ST7: variants seen among roughly 807,000 people sequenced by gnomAD.
The protein encoded by ST7 is suppression of tumorigenicity 7, also known as suppressor of tumorigenicity 7 protein.
In ST7, 28 loss-of-function variants were observed where a neutral mutation model predicts 78.7. The observed-to-expected ratio is 0.36, with a 90% CI of 0.26 to 0.49. The LOEUF (loss-of-function observed/expected upper bound fraction) is 0.49. Among genes scored for constraint, ST7 ranks in the 20% least tolerant of loss-of-function variants. ST7 has a pLI of 0.99. For synonymous variants in ST7, 247 were observed against 249.6 expected, an observed-to-expected ratio of 0.99 and a Z score of 0.10; for missense variants, 418 against 696.0, an observed-to-expected ratio of 0.60 and a Z score of 4.49.
intron 1 of ST7, among the ~76,000 whole-genome samples, chr7:117,087,889 C>T (rs1791447548): frequency 1.3e-5 from 2 of 152,202 alleles, no homozygotes; most frequent in South Asian, 4.1e-4. Context: ...ATAATTCCCG[C>T]AGCTGCACAT....
At chr7:117,222,993 T>C (rs779133246) in intron 15 of ST7, 3 of 1,569,106 alleles carry the variant, frequency 1.9e-6, no homozygotes, top group South Asian at 1.1e-5. Context: ...TCATCACCCC[T>C]CTTCCCCCAC....
At chr7:116,956,595 G>C (rs898165558) in intron 1 of ST7, 2 of 471,208 alleles carry the variant, frequency 4.2e-6, no homozygotes, top group Non-Finnish European at 8.8e-6. Context: ...CATAGGCCCA[G>C]CTCTGTACCT....
At chr7:117,110,866 T>C (rs1344833933) in intron 2 of ST7, among the ~76,000 whole-genome samples, 3 of 152,220 alleles carry the variant, frequency 2.0e-5, no homozygotes, top group Admixed American at 2.0e-4. Flanking sequence ...GTGCCCCTGC[T>C]GAACCGGATG....
At chr7:117,140,071 T>C (rs1805145843) in intron 9 of ST7, among the ~76,000 whole-genome samples, 1 of 152,238 alleles carries the variant, frequency 6.6e-6, no homozygotes, top group Non-Finnish European at 1.5e-5. Flanking sequence ...AGCAACTTAA[T>C]AGGAGGAACA....
chr7:117,189,297 T>G, intron 10 of ST7, 24 bp from the exon 11 acceptor site: 1 of 1,582,296 alleles, frequency 6.3e-7, no homozygotes, highest in Non-Finnish European at 8.6e-7. Flanking sequence ...ACTTATGTGT[T>G]CCTACTTTCT....
At chr7:117,117,911 A>C (rs904618932) in intron 2 of ST7, 2 of 152,204 alleles carry the variant, frequency 1.3e-5, no homozygotes, top group African/African-American at 4.8e-5. Context: ...CTGGGGTTAT[A>C]GACTCCCTTC....
chr7:117,027,297 C>T (rs1011532860), intron 1 of ST7, among the ~76,000 whole-genome samples: 14 of 151,812 alleles, frequency 9.2e-5, no homozygotes, highest in African/African-American at 1.9e-4. Flanking sequence ...AAAAATTAGC[C>T]GGGCATGGTG....
intron 3 of ST7, among the ~76,000 whole-genome samples, chr7:117,124,812 G>A (rs1008758004): frequency 2.0e-5 from 3 of 152,272 alleles, no homozygotes; most frequent in African/African-American, 7.2e-5. Context: ...GGAAATGTCA[G>A]GTCAGAGGAC....
chr7:117,182,184 AC>A (rs1243248345), intron 10 of ST7, among the ~76,000 whole-genome samples: 2 of 152,184 alleles, frequency 1.3e-5, no homozygotes, highest in Non-Finnish European at 2.9e-5. Flanking sequence ...ATATTTCTTA[AC>A]CATTCTGTGC....
chr7:117,008,036 C>T (rs1457825300), intron 1 of ST7, among the ~76,000 whole-genome samples: 1 of 152,098 alleles, frequency 6.6e-6, no homozygotes, highest in Non-Finnish European at 1.5e-5. Context: ...AATATATTTT[C>T]AATAGCCTTT....
intron 1 of ST7, among the ~76,000 whole-genome samples, chr7:117,039,080 C>CTTTTT (rs1255644155): frequency 2.6e-4 from 39 of 152,104 alleles, no homozygotes; most frequent in Non-Finnish European, 4.3e-4. Flanking sequence ...TGAGTGGTTA[C>CTTTTT]TTAGGTTTTC....
At chr7:117,135,969 T>G (rs1804757407) in intron 7 of ST7, 112 bp from the exon 8 acceptor site, 1 of 1,099,220 alleles carries the variant, frequency 9.1e-7, no homozygotes, top group Non-Finnish European at 1.3e-6. Flanking sequence ...ATGAACCAGT[T>G]GGCCACTCTG....
At chr7:116,955,763 C>T (rs943343556) in intron 1 of ST7, among the ~76,000 whole-genome samples, 32 of 152,316 alleles carry the variant, frequency 2.1e-4, no homozygotes, top group Non-Finnish European at 4.4e-5. Flanking sequence ...AAAATGTGTA[C>T]TTCTTAAGGA....
chr7:116,987,366 C>T (rs1436268138), intron 1 of ST7, among the ~76,000 whole-genome samples: 4 of 152,186 alleles, frequency 2.6e-5, no homozygotes, highest in Admixed American at 2.0e-4. Flanking sequence ...TATTATGCAA[C>T]GTCCTGGGCC....
intron 10 of ST7, among the ~76,000 whole-genome samples, chr7:117,176,944 C>T (rs1464232361): frequency 1.3e-5 from 2 of 152,164 alleles, no homozygotes; most frequent in African/African-American, 4.8e-5. Context: ...TTTCCCTGGG[C>T]TCGCTGTTAC....
rs188119582 is a variant in ST7 at position 117,099,377 on chromosome 7, A to G, written c.152-385A>G. ...AGGTTGAAATACTGCTTGTTGATGC[A>G]TCAGGGACTCTGATGTGCAGGTCCC... On this transcript the variant is annotated intron_variant, in intron 1 of 15. Coordinates refer to ENST00000323984, the MANE Select transcript of ST7 (RefSeq NM_001369598.1). 1.3e-3 allele frequency among the ~76,000 whole-genome samples: 197 copies of G among 152,296 alleles called. 1 individual carries two copies. Among genetic ancestry groups the G allele is most frequent in the Non-Finnish European group, 2.2e-3 (148 of 68,014 alleles).
intron 1 of ST7, among the ~76,000 whole-genome samples, chr7:116,977,247 CTAAG>C (rs1258548974): frequency 2.6e-5 from 4 of 152,168 alleles, no homozygotes; most frequent in South Asian, 4.1e-4. Context: ...ATTGACCCCA[CTAAG>C]TAAGTAAGGT....
At chr7:117,005,792 G>T (rs932708311) in intron 1 of ST7, among the ~76,000 whole-genome samples, 1 of 152,194 alleles carries the variant, frequency 6.6e-6, no homozygotes, top group East Asian at 1.9e-4. Context: ...CCATGTAAAA[G>T]AGTGGCCAAG....
At chr7:116,967,481 G>A (rs1793184421) in intron 1 of ST7, 3 of 458,800 alleles carry the variant, frequency 6.5e-6, no homozygotes. Flanking sequence ...CAGGTCTACA[G>A]CTCTAGCGGG....
Sources: allele counts gnomAD v4.1 joint callset (sites outside exome capture counted in the v4.1 genomes callset), GRCh38; gene constraint gnomAD v4.1.1; transcripts MANE v1.5; gene names NCBI Gene and HGNC (gene_info 2026-07-23, HGNC 2026-07-21).